Variants in SORCS3 observed in about 807,000 individuals in gnomAD.
SORCS3 encodes the protein sortilin related VPS10 domain containing receptor 3.
In SORCS3, 57 loss-of-function variants were observed where a neutral mutation model predicts 146.3. That is an observed-to-expected ratio of 0.39 (90% CI 0.31 to 0.49). SORCS3 has a LOEUF of 0.49. Ranked by LOEUF, SORCS3 falls within the 20% of genes least tolerant of loss-of-function variation. SORCS3 has a pLI of 0.92. For synonymous variants in SORCS3, 653 were observed against 618.5 expected, an observed-to-expected ratio of 1.06 and a Z score of -0.83; for missense variants, 1,341 against 1,575.5, an observed-to-expected ratio of 0.85 and a Z score of 2.52.
chr10:105,167,950 T>A (rs1413689843), intron 13 of SORCS3, among the ~76,000 whole-genome samples: 1 of 152,042 alleles, frequency 6.6e-6, no homozygotes, highest in Non-Finnish European at 1.5e-5. Context: ...AGGAAGAAAT[T>A]ATGGGACGGA....
intron 5 of SORCS3, among the ~76,000 whole-genome samples, chr10:105,058,648 C>T (rs1307629699): frequency 6.6e-6 from 1 of 152,076 alleles, no homozygotes; most frequent in East Asian, 1.9e-4. Context: ...GGAGACAGGA[C>T]TTCTGGTTGC....
At chr10:104,930,674 C>T (rs1294518543) in intron 3 of SORCS3, among the ~76,000 whole-genome samples, 1 of 152,130 alleles carries the variant, frequency 6.6e-6, no homozygotes, top group Non-Finnish European at 1.5e-5. Flanking sequence ...ACTGGCATTC[C>T]CACTTGGAAG....
At chr10:105,189,130 C>T (rs901685574) in intron 14 of SORCS3, among the ~76,000 whole-genome samples, 1 of 152,182 alleles carries the variant, frequency 6.6e-6, no homozygotes, top group Non-Finnish European at 1.5e-5. Context: ...CTTCTTCCCT[C>T]ACTTCTAGCA....
chr10:104,686,563 G>A (rs2016045749), intron 1 of SORCS3, among the ~76,000 whole-genome samples: 1 of 152,154 alleles, frequency 6.6e-6, no homozygotes, highest in African/African-American at 2.4e-5. Flanking sequence ...TAGCCAGGAA[G>A]ACTCAGGAAC....
chr10:105,255,063 T>C (rs2056922644), intron 23 of SORCS3, among the ~76,000 whole-genome samples: 1 of 148,378 alleles, frequency 6.7e-6, no homozygotes, highest in Admixed American at 6.7e-5. Flanking sequence ...AGGCGTGCGC[T>C]TGTAGTCCCA....
At chr10:105,013,325 A>G (rs1409241864) in intron 4 of SORCS3, among the ~76,000 whole-genome samples, 1 of 152,134 alleles carries the variant, frequency 6.6e-6, no homozygotes, top group African/African-American at 2.4e-5. Context: ...TTTTAAAATC[A>G]GGACTAAGAC....
At chr10:105,154,069 GAAAAA>G (rs59868914) in intron 9 of SORCS3, among the ~76,000 whole-genome samples, 1 of 76,156 alleles carries the variant, frequency 1.3e-5, no homozygotes, top group Non-Finnish European at 2.4e-5. Context: ...GACTCCATCT[GAAAAA>G]AAAAAAAAAA....
chr10:105,092,771 A>G (rs2055719399), intron 6 of SORCS3, among the ~76,000 whole-genome samples: 1 of 152,200 alleles, frequency 6.6e-6, no homozygotes, highest in Admixed American at 6.5e-5. Context: ...CAAACAAACA[A>G]ACAAAAAAGC....
chr10:105,245,740 T>A, intron 21 of SORCS3, 75 bp downstream of exon 21: 1 of 1,518,508 alleles, frequency 6.6e-7, no homozygotes, highest in South Asian at 1.3e-5. Context: ...CCTACAATCA[T>A]TGAGTGTGGT....
At chr10:104,767,447 G>A (rs532123635) in intron 1 of SORCS3, among the ~76,000 whole-genome samples, 1 of 152,258 alleles carries the variant, frequency 6.6e-6, no homozygotes, top group East Asian at 1.9e-4. Context: ...TCCTGGGCCT[G>A]CAGTAACAAC....
chr10:105,031,480 G>T (rs1300387755), intron 4 of SORCS3, among the ~76,000 whole-genome samples: 1 of 152,138 alleles, frequency 6.6e-6, no homozygotes, highest in Non-Finnish European at 1.5e-5. Flanking sequence ...TATATCTAAA[G>T]GAACCTAAGA....
intron 1 of SORCS3, among the ~76,000 whole-genome samples, chr10:104,680,256 G>A (rs899388850): frequency 1.3e-5 from 2 of 152,240 alleles, no homozygotes; most frequent in East Asian, 3.8e-4. Context: ...TGCCAGAGTT[G>A]CATAGTAAAT....
chr10:104,656,881 A>G (rs959604486), intron 1 of SORCS3, among the ~76,000 whole-genome samples: 1 of 152,160 alleles, frequency 6.6e-6, no homozygotes, highest in African/African-American at 2.4e-5. Flanking sequence ...GAGTCCACTG[A>G]AGAAATATTT....
intron 17 of SORCS3, among the ~76,000 whole-genome samples, chr10:105,213,925 G>A (rs2056649557): frequency 6.6e-6 from 1 of 152,126 alleles, no homozygotes; most frequent in Non-Finnish European, 1.5e-5. Context: ...TAGGCATTAG[G>A]GGAAGGAATG....
chr10:104,687,502 C>G (rs2016059242), intron 1 of SORCS3, among the ~76,000 whole-genome samples: 1 of 152,158 alleles, frequency 6.6e-6, no homozygotes, highest in South Asian at 2.1e-4. Flanking sequence ...AACATAAATA[C>G]ACACTAAGGT....
intron 2 of SORCS3, among the ~76,000 whole-genome samples, chr10:104,897,941 TC>T (rs1358590457): frequency 3.3e-5 from 5 of 152,188 alleles, no homozygotes; most frequent in African/African-American, 1.2e-4. Flanking sequence ...GCTCATTCAT[TC>T]TAGTGGAGGT....
intron 18 of SORCS3, 71 bp from the exon 19 acceptor site, chr10:105,216,865 A>T: frequency 1.4e-6 from 2 of 1,476,384 alleles, no homozygotes; most frequent in Non-Finnish European, 1.9e-6. Flanking sequence ...TGCTGAAGCA[A>T]CAGGAGGAAG....
chr10:105,242,470 A>C (rs1397302133), intron 20 of SORCS3, among the ~76,000 whole-genome samples: 2 of 86,268 alleles, frequency 2.3e-5, no homozygotes, highest in South Asian at 3.7e-4. Context: ...TTATATATTT[A>C]TATATTTATA....
At chr10:105,032,148 C>T (rs977775199) in intron 4 of SORCS3, among the ~76,000 whole-genome samples, 5 of 152,074 alleles carry the variant, frequency 3.3e-5, no homozygotes, top group African/African-American at 9.7e-5. Flanking sequence ...GCCACGATTG[C>T]GCCACTGCAC....
Sources: gnomAD v4.1 joint callset for allele counts (sites outside exome capture counted in the v4.1 genomes callset) on GRCh38, gnomAD v4.1.1 for gene constraint, MANE v1.5 for transcripts, NCBI Gene and HGNC (gene_info 2026-07-23, HGNC 2026-07-21) for gene names.